The following IPO5 variants were observed in gnomAD, a reference collection of about 807,000 sequenced individuals.
IPO5 encodes the protein importin 5.
Under a neutral mutation model 143.3 loss-of-function variants are expected in IPO5, and 18 were observed. The observed-to-expected ratio is 0.13, with a 90% confidence interval of 0.09 to 0.19. The LOEUF (loss-of-function observed/expected upper bound fraction) is 0.19, where lower values mean the gene tolerates loss of function less well. Ranked by LOEUF, IPO5 falls within the 10% of genes least tolerant of loss-of-function variation. IPO5 has a pLI of 1.00. For missense variants in IPO5, 1,013 were observed against 1,336.9 expected, an observed-to-expected ratio of 0.76 and a Z score of 3.78; for synonymous variants, 477 against 465.7, an observed-to-expected ratio of 1.02 and a Z score of -0.31.
chr13:98,015,886 T>C, intron 24 of IPO5, 105 bp downstream of exon 24: 1 of 731,856 alleles, frequency 1.4e-6, no homozygotes, highest in Non-Finnish European at 2.3e-6. Context: ...GATGTAATTA[T>C]CAGTCTTTAG....
At chr13:97,975,698 GAAGA>G (rs1244936028) in intron 3 of IPO5, 6 of 152,650 alleles carry the variant, frequency 3.9e-5, no homozygotes, top group Admixed American at 3.9e-4. Flanking sequence ...GCTCCTTTAG[GAAGA>G]AAGGTGTCTC....
intron 4 of IPO5, chr13:97,979,929 T>C (rs1250316030): frequency 2.2e-6 from 1 of 456,622 alleles, no homozygotes; most frequent in Non-Finnish European, 4.4e-6. Flanking sequence ...CCTCTTTTAC[T>C]TTTCCTCATA....
chr13:98,014,033 C>T lies in IPO5; in HGVS notation c.2153-9C>T, dbSNP rs1183769519. 6.2e-7 allele frequency: 1 copy of T among 1,605,092 alleles called. No homozygotes were observed. Among genetic ancestry groups the T allele is most frequent in the South Asian group, 1.1e-5 (1 of 89,052 alleles). ...TAAACAGTCTTTTGAGGTTCCTTAA[C>T]AATGAAACGTGTTCGAGTGGCAGCA... On this transcript the variant is annotated splice_polypyrimidine_tract_variant and intron_variant, in intron 21 of 28. Coordinates refer to ENST00000651721, the MANE Select transcript of IPO5 (RefSeq NM_002271.6).
intron 20 of IPO5, among the ~76,000 whole-genome samples, chr13:98,011,481 G>T (rs1317288110): frequency 6.6e-6 from 1 of 151,584 alleles, no homozygotes; most frequent in African/African-American, 2.4e-5. Context: ...TAGTAGAGAC[G>T]GGTTTTCACC....
intron 17 of IPO5, among the ~76,000 whole-genome samples, chr13:98,006,751 T>A (rs1889291085): frequency 1.3e-5 from 2 of 152,108 alleles, no homozygotes; most frequent in Admixed American, 6.6e-5. Flanking sequence ...GATTTTTTCC[T>A]TCTGAAAAAT....
chr13:98,014,436 C>T (rs1889958171), intron 22 of IPO5, among the ~76,000 whole-genome samples: 1 of 152,128 alleles, frequency 6.6e-6, no homozygotes, highest in Non-Finnish European at 1.5e-5. Context: ...CACCACCACA[C>T]CTGGCTACTT....
intron 3 of IPO5, among the ~76,000 whole-genome samples, chr13:97,973,836 A>C (rs112720875): frequency 6.6e-6 from 1 of 152,038 alleles, no homozygotes; most frequent in Non-Finnish European, 1.5e-5. Context: ...TTGGGAGGCC[A>C]AAGTGGGAGG....
At chr13:98,015,483 A>G in intron 22 of IPO5, 47 bp from the exon 23 acceptor site, 1 of 1,135,134 alleles carries the variant, frequency 8.8e-7, no homozygotes, top group Admixed American at 2.1e-5. Context: ...TTTGGACTCC[A>G]AACACCCCAA....
At chr13:97,988,291 T>C (rs1311336883) in intron 6 of IPO5, among the ~76,000 whole-genome samples, 3 of 152,246 alleles carry the variant, frequency 2.0e-5, no homozygotes, top group Non-Finnish European at 1.5e-5. Flanking sequence ...GTGAGCACCC[T>C]GTATGGGTCC....
At chr13:97,979,844 A>C in intron 4 of IPO5, 1 of 455,948 alleles carries the variant, frequency 2.2e-6, no homozygotes, top group South Asian at 1.6e-5. Flanking sequence ...AGATTTCAAT[A>C]GACAGAGGAT....
chr13:97,983,618 GA>G (rs1361202180), intron 5 of IPO5, among the ~76,000 whole-genome samples: 3 of 131,000 alleles, frequency 2.3e-5, no homozygotes, highest in Non-Finnish European at 4.6e-5. Context: ...GTTTACTTTG[GA>G]AAAGGTATAA....
At chr13:97,983,466 G>A (rs1887026880) in intron 5 of IPO5, among the ~76,000 whole-genome samples, 2 of 150,776 alleles carry the variant, frequency 1.3e-5, no homozygotes, top group East Asian at 1.9e-4. Context: ...TTTCCCTATG[G>A]TAAAAACAAG....
Position 98,014,166 on chromosome 13 carries a change from A to C in IPO5, c.2277A>C (p.Thr759=), listed in dbSNP as rs1209084329. 1.9e-6 allele frequency: 3 copies of C among 1,613,574 alleles called. No individual in the cohort carries two copies. The highest frequency in any genetic ancestry group is 1.7e-6 in the Non-Finnish European group (2 of 1,179,708). Residue 759 remains threonine (T), a synonymous_variant, in exon 22 of 29, where the codon ACA becomes ACC. Transcript: ENST00000651721. ...MCDALIKAIG[T]EPDSDVLSEI... is the part of the protein sequence containing the mutation. Reference sequence around the variant, plus strand: ...ATGCTCTAATTAAGGCCATTGGTACAGAACCAGATTCAGACGTCCTCTCAG... The same window carrying C: ...ATGCTCTAATTAAGGCCATTGGTACCGAACCAGATTCAGACGTCCTCTCAG...
chr13:97,966,944 G>A (rs991680561), intron 2 of IPO5, among the ~76,000 whole-genome samples: 1 of 152,130 alleles, frequency 6.6e-6, no homozygotes, highest in Non-Finnish European at 1.5e-5. Flanking sequence ...GCTGAGGCAG[G>A]AGAATTGCTT....
intron 9 of IPO5, 43 bp from the exon 10 acceptor site, chr13:97,992,849 A>G: frequency 6.4e-7 from 1 of 1,572,076 alleles, no homozygotes; most frequent in South Asian, 1.2e-5. Context: ...GAGGCATTAT[A>G]AAGTGAATCT....
chr13:98,007,456 T>G (rs1258538441), intron 17 of IPO5: 3 of 152,250 alleles, frequency 2.0e-5, no homozygotes, highest in Admixed American at 1.3e-4. Flanking sequence ...AGTTTCTCTG[T>G]CATTGAATCC....
chr13:97,987,773 G>A (rs1002995825), intron 6 of IPO5, among the ~76,000 whole-genome samples: 12 of 152,206 alleles, frequency 7.9e-5, no homozygotes, highest in Non-Finnish European at 1.8e-4. Context: ...AAAGTGCTGA[G>A]ATTAGAGGCA....
chr13:97,990,113 G>A lies in IPO5; in HGVS notation c.468-13G>A, dbSNP rs1368245996. 10 of 1,488,094 alleles carry A rather than the reference G, an allele frequency of 6.7e-6. No homozygotes were observed. Among genetic ancestry groups the A allele is most frequent in the Non-Finnish European group, 9.4e-6 (10 of 1,067,464 alleles). 92.2% of individuals were successfully genotyped at this position (1,488,094 alleles called of 1,614,324 possible). A position where few individuals can be genotyped will look rare whatever the true frequency, so the allele number is the denominator to read the frequency against. On this transcript the variant is annotated splice_polypyrimidine_tract_variant and intron_variant, in intron 7 of 28. Transcript: ENST00000651721. ...TAATGTAGTTTTTAAAGAATGTTTG[G>A]ATTATCTTTTAGGAACTTTCCTGGA...
intron 2 of IPO5, among the ~76,000 whole-genome samples, chr13:97,958,200 T>G (rs1462700443): frequency 1.3e-5 from 2 of 152,158 alleles, no homozygotes; most frequent in Non-Finnish European, 2.9e-5. Flanking sequence ...CTTCCACAAC[T>G]TTAAATGCCA....
Sources: allele counts gnomAD v4.1 joint callset (sites outside exome capture counted in the v4.1 genomes callset), GRCh38; gene constraint gnomAD v4.1.1; transcripts MANE v1.5; gene names NCBI Gene and HGNC (gene_info 2026-07-23, HGNC 2026-07-21).